The following CNNM4 variants were observed in gnomAD, a reference collection of about 807,000 sequenced individuals.
The protein encoded by CNNM4 is cyclin and CBS domain divalent metal cation transport mediator 4, also known as metal transporter CNNM4.
CNNM4 carries 32 observed loss-of-function variants against 53.7 expected under a neutral mutation model. The ratio of observed to expected loss-of-function variants is 0.60; its 90% CI spans 0.45 to 0.80. CNNM4 has a LOEUF of 0.80. CNNM4 is among the 30% of genes least tolerant of loss of function. CNNM4 has a pLI of 0.00. For missense variants in CNNM4, 784 were observed against 1,022.0 expected (o/e 0.77, Z 3.17); for synonymous variants, 410 against 440.0 (o/e 0.93, Z 0.85).
At chr2:96,806,549 G>T (rs574202380) in intron 5 of CNNM4, among the ~76,000 whole-genome samples, 13 of 147,316 alleles carry the variant, frequency 8.8e-5, no homozygotes, top group Non-Finnish European at 1.5e-4. Flanking sequence ...GCGCGCGCGC[G>T]CGCGCCCTTA....
In CNNM4 at chr2:96,809,501, A is replaced by G. The variant is rs2079239172; in HGVS notation, c.2312A>G (p.His771Arg). The change falls in exon 7 of 7, where the codon CAC (histidine) becomes CGC (arginine). Residue 771 changes from histidine (H) to arginine (R), a missense_variant. Around this residue, in one of 3 missense-constraint regions of CNNM4, gnomAD observed 307 missense variants for 376.3 expected, o/e 0.82. Transcript: ENST00000377075. ...AACTCCTTGCTGCACAAAGCCTCCC[A>G]CGAGAATGCCATCTGACAGGAGGGC... is the stretch of plus-strand genomic sequence containing the variant. ...ERNSLLHKAS[H>R]ENAI is the part of the protein sequence containing the mutation. The G allele has an allele frequency of 6.8e-6, 11 of 1,614,082 alleles. No individual in the cohort carries two copies. The highest frequency in any genetic ancestry group is 8.5e-6 in the Non-Finnish European group (10 of 1,180,004).
chr2:96,799,694 GCT>G, intron 5 of CNNM4, 46 bp downstream of exon 5: 1 of 1,447,734 alleles, frequency 6.9e-7, no homozygotes, highest in South Asian at 1.2e-5. Flanking sequence ...CCCCCCTGCA[GCT>G]GGGGAGCCAT....
chr2:96,802,590 T>C (rs1300744401), intron 5 of CNNM4, among the ~76,000 whole-genome samples: 1 of 152,268 alleles, frequency 6.6e-6, no homozygotes, highest in African/African-American at 2.4e-5. Flanking sequence ...TTGTTTCTGC[T>C]TTCCCCTCTG....
intron 1 of CNNM4, among the ~76,000 whole-genome samples, chr2:96,774,849 T>G (rs948605308): frequency 2.0e-5 from 3 of 151,520 alleles, no homozygotes; most frequent in Non-Finnish European, 2.9e-5. Flanking sequence ...TACTCCCAGC[T>G]ACTTGGGAGG....
At chr2:96,806,527 A>ACG (rs1367202120) in intron 5 of CNNM4, among the ~76,000 whole-genome samples, 8 of 142,210 alleles carry the variant, frequency 5.6e-5, no homozygotes, top group Non-Finnish European at 9.2e-5. Flanking sequence ...ACACACACAC[A>ACG]CACACACACG....
At position 96,779,862 on chromosome 2, in the gene CNNM4, G is replaced by A. The variant is rs570216210; in HGVS notation, c.1403-17150G>A. ...TTTGTCTCCAGGCCGGAGTGCAGTGGTGTGATCTCGGCTCACTGCAACCTC... is the reference window on the plus strand; with the variant it reads ...TTTGTCTCCAGGCCGGAGTGCAGTGATGTGATCTCGGCTCACTGCAACCTC... On this transcript the variant is annotated intron_variant, in intron 1 of 6. Transcript: ENST00000377075. Among the ~76,000 whole-genome samples the A allele has an allele frequency of 8.6e-5, 13 of 151,694 alleles. No homozygotes were observed. The East Asian group carries it at 2.1e-3, about 25-fold the overall frequency.
chr2:96,799,299 A>G lies in CNNM4; in HGVS notation c.1851+73A>G. ...CAGCAACCCCCAGGCCCTCTCTCCC[A>G]CCTGCTGCGGAGGTGCATGGCTTCC... On this transcript the variant is annotated intron_variant, in intron 4 of 6. Transcript: ENST00000377075. 3.2e-6 allele frequency: 5 copies of G among 1,568,820 alleles called. No homozygotes were observed. The East Asian group carries it at 1.1e-4, about 35-fold the overall frequency.
Position 96,760,945 on chromosome 2 carries a change from CCGGGGCCGCGCGGCGTGGCG to C in CNNM4, c.-49_-30del, listed in dbSNP as rs1451802308. The C allele has an allele frequency of 7.5e-5, 71 of 941,712 alleles. No individual in the cohort carries two copies. The highest frequency in any genetic ancestry group is 8.5e-5 in the Non-Finnish European group (67 of 789,976). 58.3% of individuals were successfully genotyped at this position (941,712 alleles called of 1,614,324 possible). ...GGAGCGGCCGGAGCTGCGGTGCGGA[CCGGGGCCGCGCGGCGTGGCG>C]CGGGGAGCGGCGGCGGCGGCAGAGC... is the stretch of plus-strand genomic sequence containing the variant. On this transcript the variant is annotated 5_prime_UTR_variant, in exon 1 of 7. Coordinates refer to ENST00000377075, the MANE Select transcript of CNNM4 (RefSeq NM_020184.4).
chr2:96,761,313 C>T lies in CNNM4; in HGVS notation c.314C>T (p.Ser105Phe), dbSNP rs778025385. The T allele has an allele frequency of 3.1e-6, 5 of 1,614,074 alleles. 1 individual carries two copies. The South Asian group carries it at 5.5e-5, about 18-fold the overall frequency. The change falls in exon 1 of 7, where the codon TCC becomes TTC. Residue 105 changes from serine to phenylalanine, a missense_variant. Physicochemically the swap from Ser to Phe is radical, Grantham distance 155. Transcript: ENST00000377075. This position sits in a 1 kb window ranked among gnomAD's most constrained non-coding sequence, Gnocchi z 6.0. ...EVDDAETLHK[S>F]TSCLELTKDL... ...GACGATGCCGAGACCCTCCACAAGT[C>T]CACCAGCTGCCTCGAGCTCACCAAG...
At chr2:96,791,808 G>T (rs973844580) in intron 1 of CNNM4, among the ~76,000 whole-genome samples, 5 of 151,896 alleles carry the variant, frequency 3.3e-5, no homozygotes, top group East Asian at 1.9e-4. Context: ...ATTCAGGATG[G>T]TTTCTATTTT....
At chr2:96,769,266 G>A (rs956307781) in intron 1 of CNNM4, among the ~76,000 whole-genome samples, 4 of 148,272 alleles carry the variant, frequency 2.7e-5, no homozygotes, top group South Asian at 4.3e-4. Context: ...AAAAGGAGTC[G>A]GCCAAGAGCA....
chr2:96,785,976 A>G (rs2079013175), intron 1 of CNNM4, among the ~76,000 whole-genome samples: 1 of 151,438 alleles, frequency 6.6e-6, no homozygotes, highest in South Asian at 2.1e-4. Flanking sequence ...AGTCTCAGCT[A>G]CTCAGGAGGC....
intron 5 of CNNM4, among the ~76,000 whole-genome samples, chr2:96,799,894 G>A (rs545646119): frequency 6.6e-6 from 1 of 152,298 alleles, no homozygotes; most frequent in East Asian, 1.9e-4. Flanking sequence ...TAGAGTAAAG[G>A]CCTGGAGGCA....
intron 1 of CNNM4, among the ~76,000 whole-genome samples, chr2:96,795,836 A>C (rs538201703): frequency 6.6e-6 from 1 of 152,006 alleles, no homozygotes; most frequent in African/African-American, 2.4e-5. Flanking sequence ...TAGACTGTGG[A>C]CCTAGCCCTT....
intron 1 of CNNM4, among the ~76,000 whole-genome samples, chr2:96,773,841 T>TAAA (rs572771462): frequency 1.9e-5 from 2 of 103,386 alleles, no homozygotes; most frequent in African/African-American, 3.4e-5. Flanking sequence ...AGACTCCATC[T>TAAA]AAAAAAAAAA....
In CNNM4 at chr2:96,797,059, G is replaced by A. The variant is rs2079110250; in HGVS notation, c.1450G>A (p.Gly484Ser). ...GCAGAAGGTAAACAACGAGGGTGAGGGTGACCCCTTCTACGAGGTCCTGGG... is the reference window on the plus strand; with the variant it reads ...GCAGAAGGTAAACAACGAGGGTGAGAGTGACCCCTTCTACGAGGTCCTGGG... ...IVQKVNNEGE[G>S]DPFYEVLGLV... The change falls in exon 2 of 7, where the codon GGT becomes AGT. Residue 484 changes from glycine (G) to serine (S), a missense_variant. Coordinates refer to ENST00000377075, the MANE Select transcript of CNNM4 (RefSeq NM_020184.4). The surrounding 1 kb of genome is among the most constrained non-coding windows in gnomAD (Gnocchi z 6.0). The A allele has an allele frequency of 6.2e-7, 1 of 1,613,890 alleles. No homozygotes were observed. The highest frequency in any genetic ancestry group is 1.1e-5 in the South Asian group (1 of 91,074).
In CNNM4 at chr2:96,809,536, C is replaced by A; in HGVS notation, c.*19C>A. The A allele has an allele frequency of 1.2e-6, 2 of 1,613,218 alleles. No individual in the cohort carries two copies. The highest frequency in any genetic ancestry group is 1.7e-6 in the Non-Finnish European group (2 of 1,179,318). On this transcript the variant is annotated 3_prime_UTR_variant, in exon 7 of 7. Transcript: ENST00000377075. ...CATCTGACAGGAGGGCCCGGGGCCCCCTGCCCACCCTGCGGGGGCCTCCCC... is the reference window on the plus strand; with the variant it reads ...CATCTGACAGGAGGGCCCGGGGCCCACTGCCCACCCTGCGGGGGCCTCCCC...
chr2:96,769,395 C>A (rs2078848148), intron 1 of CNNM4, among the ~76,000 whole-genome samples: 1 of 151,294 alleles, frequency 6.6e-6, no homozygotes, highest in Non-Finnish European at 1.5e-5. Flanking sequence ...ATGGTGAAAC[C>A]CCGTCTCTAC....
chr2:96,766,493 C>G (rs1373728525), intron 1 of CNNM4, among the ~76,000 whole-genome samples: 2 of 152,132 alleles, frequency 1.3e-5, no homozygotes, highest in Non-Finnish European at 2.9e-5. Context: ...CTTCCCAGGT[C>G]ACCTCTCAGT....
Sources: gnomAD v4.1 joint callset for allele counts (sites outside exome capture counted in the v4.1 genomes callset) on GRCh38, gnomAD v4.1.1 for gene constraint, gnomAD v4.1.1 regional missense constraint, Gnocchi (gnomAD v3.1) non-coding constraint, MANE v1.5 for transcripts, NCBI Gene and HGNC (gene_info 2026-07-23, HGNC 2026-07-21) for gene names.